CLPX: variants seen among roughly 807,000 people sequenced by gnomAD.
CLPX encodes caseinolytic mitochondrial matrix peptidase chaperone subunit X, also known as ATP-dependent clpX-like chaperone, mitochondrial.
A neutral mutation model predicts 76.4 loss-of-function variants in CLPX; 34 were observed. The observed-to-expected ratio is 0.45, with a 90% confidence interval of 0.34 to 0.59. The LOEUF is 0.59. CLPX is among the 20% of genes least tolerant of loss of function. CLPX has a pLI of 0.01. For missense variants in CLPX, 613 were observed against 757.0 expected, an observed-to-expected ratio of 0.81 and a Z score of 2.23; for synonymous variants, 248 against 270.9, an observed-to-expected ratio of 0.92 and a Z score of 0.83.
chr15:65,174,897 T>C (rs888396750), intron 3 of CLPX, among the ~76,000 whole-genome samples: 2 of 152,090 alleles, frequency 1.3e-5, no homozygotes, highest in African/African-American at 4.8e-5. Context: ...TACACAGCTC[T>C]CAAAACGCTG....
In CLPX at chr15:65,154,964, G is replaced by C. The variant is rs771233943; in HGVS notation, c.1429C>G (p.Arg477Gly). 2.5e-6 allele frequency: 4 copies of C among 1,614,032 alleles called. No individual in the cohort carries two copies. Among genetic ancestry groups the C allele is most frequent in the Non-Finnish European group, 3.4e-6 (4 of 1,180,008 alleles). ...NTHQDIEEKD[R>G]LLRHVEARDL... is the part of the protein sequence containing the mutation. ...CTGGCTTCCACATGACGCAATAACC[G>C]ATCTTTTTCTTCAATGTCTTGGTGA... The change falls in exon 11 of 14, where the codon CGG (arginine) becomes GGG (glycine). Residue 477 changes from arginine to glycine, a missense_variant. Coordinates refer to ENST00000300107, the MANE Select transcript of CLPX (RefSeq NM_006660.5).
At position 65,185,077 on chromosome 15, in the gene CLPX, C is replaced by T; in HGVS notation, c.77G>A (p.Arg26Lys). 2 of 1,574,800 alleles carry T rather than the reference C, an allele frequency of 1.3e-6. No individual in the cohort carries two copies. The highest frequency in any genetic ancestry group is 1.7e-6 in the Non-Finnish European group (2 of 1,160,928). ...CAGGAGTGGCACTATTTCGTTACCT[C>T]TCTGCGCGGAGGCGAGTGAGGAGGT... ...LITSSLASAQ[R>K]GISGGRIHMS... The change falls in exon 1 of 14, where the codon AGA (arginine) becomes AAA (lysine). Residue 26 changes from arginine (R) to lysine (K), a missense_variant and splice_region_variant. By Grantham distance (26) the Arg-to-Lys change is conservative (BLOSUM62 2). This residue lies in a region of CLPX where 163 missense variants were observed against 118.4 expected (regional missense o/e 1.38). Transcript: ENST00000300107.
chr15:65,160,623 T>TCTCTCTCTCTCTCTCTCTCACA (rs1219208926), intron 6 of CLPX, among the ~76,000 whole-genome samples: 1 of 100,970 alleles, frequency 9.9e-6, no homozygotes, highest in African/African-American at 3.8e-5. Flanking sequence ...TCTCTCTCTC[T>TCTCTCTCTCTCTCTCTCTCACA]CACACACACA....
Position 65,185,165 on chromosome 15 carries a change from C to G in CLPX, c.-12G>C. 1.3e-6 allele frequency: 2 copies of G among 1,557,602 alleles called. No individual in the cohort carries two copies. Among genetic ancestry groups the G allele is most frequent in the Non-Finnish European group, 1.7e-6 (2 of 1,150,226 alleles). On this transcript the variant is annotated 5_prime_UTR_variant, in exon 1 of 14. Coordinates refer to ENST00000300107, the MANE Select transcript of CLPX (RefSeq NM_006660.5). ...CCGCAGCTGGGCATCTCCGCGAGGC[C>G]TAGGCCGGGGCTTCGCCCCCTGAGG...
chr15:65,157,200 A>G (rs1348703327), intron 8 of CLPX, among the ~76,000 whole-genome samples: 1 of 152,218 alleles, frequency 6.6e-6, no homozygotes, highest in African/African-American at 2.4e-5. Flanking sequence ...ATGTATATGA[A>G]TTCTTTATAG....
Position 65,161,190 on chromosome 15 carries a change from C to G in CLPX, c.715+1414G>C, listed in dbSNP as rs532185429. 3.3e-5 allele frequency among the ~76,000 whole-genome samples: 5 copies of G among 152,190 alleles called. No individual in the cohort carries two copies. In the South Asian group the frequency reaches 1.0e-3, roughly 32 times the overall value. ...TTATTCACACAACACAGCCCTTAAACGCAAACAAAGTATTTCATCTGGTGC... is the reference window on the plus strand; with the variant it reads ...TTATTCACACAACACAGCCCTTAAAGGCAAACAAAGTATTTCATCTGGTGC... On this transcript the variant is annotated intron_variant, in intron 6 of 13. Transcript: ENST00000300107.
At chr15:65,169,742 T>G (rs572219820) in intron 3 of CLPX, among the ~76,000 whole-genome samples, 25 of 151,962 alleles carry the variant, frequency 1.6e-4, no homozygotes, top group African/African-American at 5.3e-4. Context: ...AGGATGTAGA[T>G]ATATGGATAT....
chr15:65,182,432 A>T (rs2140654684), intron 1 of CLPX, among the ~76,000 whole-genome samples: 1 of 152,362 alleles, frequency 6.6e-6, no homozygotes, highest in South Asian at 2.1e-4. Flanking sequence ...TTAACAAGCA[A>T]AATTAAATAA....
chr15:65,159,240 ATCTT>A (rs1369877669), intron 6 of CLPX, among the ~76,000 whole-genome samples: 20 of 152,204 alleles, frequency 1.3e-4, no homozygotes, highest in Non-Finnish European at 2.5e-4. Context: ...CCTGTACTGG[ATCTT>A]TCTATTTCCT....
intron 1 of CLPX, 125 bp downstream of exon 1, chr15:65,184,950 G>A: frequency 2.5e-6 from 2 of 785,568 alleles, no homozygotes; most frequent in South Asian, 1.6e-5. Flanking sequence ...CGGGCGAAGC[G>A]CCGCGCATTC....
chr15:65,182,130 A>G (rs1042639323), intron 1 of CLPX, among the ~76,000 whole-genome samples: 1 of 151,590 alleles, frequency 6.6e-6, no homozygotes, highest in African/African-American at 2.4e-5. Flanking sequence ...AAAAAAAAAA[A>G]AAAGAAAGAA....
chr15:65,184,965 A>C, intron 1 of CLPX, 110 bp downstream of exon 1: 1 of 908,754 alleles, frequency 1.1e-6, no homozygotes, highest in Non-Finnish European at 1.8e-6. Flanking sequence ...GCATTCCCTC[A>C]CACTCCCCGG....
At position 65,152,690 on chromosome 15, in the gene CLPX, T is replaced by C. The variant is rs556426727; in HGVS notation, c.1705-154A>G. On this transcript the variant is annotated intron_variant, in intron 12 of 13. Transcript: ENST00000300107. ...ATATAAACATATATATGGGATTATA[T>C]ATATAAACATATATATATATATATT... Among the ~76,000 whole-genome samples the C allele has an allele frequency of 2.6e-3, 381 of 147,780 alleles. 1 individual carries two copies. Among genetic ancestry groups the C allele is most frequent in the Non-Finnish European group, 3.6e-3 (242 of 67,308 alleles).
intron 1 of CLPX, 26 bp downstream of exon 1, chr15:65,185,049 G>T (rs905520206): frequency 6.4e-7 from 1 of 1,550,846 alleles, no homozygotes; most frequent in Admixed American, 2.0e-5. Flanking sequence ...CAGGCTGAGG[G>T]CTCAGGAGTG....
At position 65,155,683 on chromosome 15, in the gene CLPX, A is replaced by G; in HGVS notation, c.1311+9T>C. 6.2e-7 allele frequency: 1 copy of G among 1,609,594 alleles called. No homozygotes were observed. Among genetic ancestry groups the G allele is most frequent in the East Asian group, 2.2e-5 (1 of 44,812 alleles). On this transcript the variant is annotated intron_variant, in intron 10 of 13. Coordinates refer to ENST00000300107, the MANE Select transcript of CLPX (RefSeq NM_006660.5). ...TCTATCCTTCTAGTAACCCCTCAGA[A>G]AAACTTACCTTTTCATTTTTCCTCC...
intron 3 of CLPX, among the ~76,000 whole-genome samples, chr15:65,175,977 G>T (rs2088086340): frequency 1.3e-5 from 2 of 152,176 alleles, no homozygotes; most frequent in Admixed American, 1.3e-4. Context: ...TGAGCCTAGT[G>T]ATGTCTGAAT....
In CLPX at chr15:65,159,215, T is replaced by C. The variant is rs536123830; in HGVS notation, c.716-464A>G. Among the ~76,000 whole-genome samples, 101 of 152,332 alleles carry C rather than the reference T, an allele frequency of 6.6e-4. 1 individual carries two copies. In the South Asian group the frequency reaches 0.02, roughly 30 times the overall value. ...TACTATCTCTGGCCCTATCTAAATC[T>C]CTAATTTTATTGGACCTGTACTGGA... On this transcript the variant is annotated intron_variant, in intron 6 of 13. Transcript: ENST00000300107.
rs1367169711 is a variant in CLPX, at chr15:65,148,740, A to C, written c.*2083T>G. 6.6e-6 allele frequency: 1 copy of C among 152,070 alleles called. No individual in the cohort carries two copies. The highest frequency in any genetic ancestry group is 1.5e-5 in the Non-Finnish European group (1 of 68,014). 9.4% of individuals were successfully genotyped at this position (152,070 alleles called of 1,614,324 possible). A position where few individuals can be genotyped will look rare whatever the true frequency, so the allele number is the denominator to read the frequency against. ...AAGCTCGAGTCTATAAACCAAAAAA[A>C]AAAACCCACAAATATTTACATGTAC... On this transcript the variant is annotated 3_prime_UTR_variant, in exon 14 of 14. Transcript: ENST00000300107.
intron 6 of CLPX, among the ~76,000 whole-genome samples, chr15:65,160,655 A>G (rs1367726101): frequency 6.7e-6 from 1 of 150,152 alleles, no homozygotes; most frequent in African/African-American, 2.5e-5. Context: ...ACACACACAC[A>G]CACGATTTAG....
Sources: allele counts gnomAD v4.1 joint callset (sites outside exome capture counted in the v4.1 genomes callset), GRCh38; gene constraint gnomAD v4.1.1; regional missense constraint gnomAD v4.1.1; transcripts MANE v1.5; gene names NCBI Gene and HGNC (gene_info 2026-07-23, HGNC 2026-07-21).